Variants in ADRA1A observed in about 807,000 individuals in gnomAD.
ADRA1A encodes the protein alpha-1A adrenergic receptor.
ADRA1A carries 31 observed loss-of-function variants against 29.6 expected under a neutral mutation model. The observed-to-expected ratio is 1.05, with a 90% CI of 0.79 to 1.41. The LOEUF is 1.41. Ranked by LOEUF, ADRA1A falls within the 40% of genes most tolerant of loss-of-function variation. The pLI is 0.00. For synonymous variants in ADRA1A, 311 were observed against 254.3 expected (o/e 1.22, Z -2.12); for missense variants, 619 against 601.1 (o/e 1.03, Z -0.31).
chr8:26,867,206 C>T lies in ADRA1A; in HGVS notation c.-957G>A. 1.0e-6 allele frequency: 1 copy of T among 985,408 alleles called. No individual in the cohort carries two copies. Among genetic ancestry groups the T allele is most frequent in the South Asian group, 4.7e-5 (1 of 21,278 alleles). The allele number at this position is 985,408 out of a possible 1,614,324, so 61.0% of individuals were successfully genotyped here. On this transcript the variant is annotated 5_prime_UTR_variant, in exon 1 of 3. The change creates a new upstream start codon in the 5' untranslated region. Transcript: ENST00000380573. ...CAGATAACCGGTAACTCCACAATCA[C>T]CCTTTTAATATTCAGCTCCCCGACA...
At chr8:26,766,820 G>A (rs953212703), downstream of ADRA1A, among the ~76,000 whole-genome samples, 8 of 152,006 alleles carry the variant, frequency 5.3e-5, no homozygotes, top group Non-Finnish European at 8.8e-5. Context: ...GGCAATGGGT[G>A]CAAAATTCCC....
rs1811788903 is a variant in ADRA1A at position 26,841,146 on chromosome 8, C to A, written c.883+22941G>T. Among the ~76,000 whole-genome samples the A allele has an allele frequency of 6.6e-6, 1 of 152,186 alleles. No homozygotes were observed. The highest frequency in any genetic ancestry group is 6.5e-5 in the Admixed American group (1 of 15,276). ...GAGAATCAAAATGCCCAACTGCCCC[C>A]AAATGTTCACATGGATTCAATGAAA... is the stretch of plus-strand genomic sequence containing the variant. On this transcript the variant is annotated intron_variant, in intron 2 of 2. Coordinates refer to ENST00000380573, the MANE Select transcript of ADRA1A (RefSeq NM_000680.4). The surrounding 1 kb of genome is among the most constrained non-coding windows in gnomAD (Gnocchi z 4.4).
At position 26,775,907 on chromosome 8, in the gene ADRA1A, C is replaced by T. The variant is rs148986277; in HGVS notation, c.884-5241G>A. ...TCTAGATGCCAAGAAGAAATTGAAA[C>T]GAATAATTTAAAATGTTGCCTCTAT... On this transcript the variant is annotated intron_variant, in intron 2 of 2. Transcript: ENST00000380573. The surrounding 1 kb of genome is among the most constrained non-coding windows in gnomAD (Gnocchi z 4.1). Among the ~76,000 whole-genome samples, 178 of 152,256 alleles carry T rather than the reference C, an allele frequency of 1.2e-3. 2 individuals are homozygous for T. The South Asian group carries it at 0.017, about 14-fold the overall frequency.
chr8:26,782,294 C>T (rs1807051600), intron 2 of ADRA1A, among the ~76,000 whole-genome samples: 1 of 152,164 alleles, frequency 6.6e-6, no homozygotes, highest in East Asian at 1.9e-4. Context: ...GTCATGGGTC[C>T]TGTATTCAAA....
intron 2 of ADRA1A, chr8:26,779,468 C>A (rs533277684): frequency 2.9e-6 from 2 of 690,896 alleles, no homozygotes; most frequent in Non-Finnish European, 2.6e-6. Flanking sequence ...ATTGATGCTA[C>A]CCCTTCCTAT....
chr8:26,765,272 C>T (rs544708991), downstream of ADRA1A, among the ~76,000 whole-genome samples: 33 of 152,360 alleles, frequency 2.2e-4, no homozygotes, highest in South Asian at 8.3e-4. Flanking sequence ...CTCAACCCCT[C>T]CTCCACATTT....
chr8:26,784,312 C>T (rs138229767), intron 2 of ADRA1A, among the ~76,000 whole-genome samples: 1 of 152,346 alleles, frequency 6.6e-6, no homozygotes, highest in Non-Finnish European at 1.5e-5. Context: ...AAAGTCGTTT[C>T]CCGCTGTCGG....
Position 26,780,282 on chromosome 8 carries a change from C to T in ADRA1A, c.884-9616G>A, listed in dbSNP as rs114312631. On this transcript the variant is annotated intron_variant, in intron 2 of 2. Coordinates refer to ENST00000380573, the MANE Select transcript of ADRA1A (RefSeq NM_000680.4). ...GGTGTTTACCTTCTATGAGTGTCTC[C>T]AACAAATGCCTATGTTGGAGGCATT... Among the ~76,000 whole-genome samples the T allele has an allele frequency of 3.5e-3, 537 of 152,160 alleles. 3 individuals are homozygous for T. The highest frequency in any genetic ancestry group is 0.012 in the African/African-American group (508 of 41,520).
chr8:26,753,512 T>G (rs747094219), downstream of ADRA1A, among the ~76,000 whole-genome samples: 6 of 152,196 alleles, frequency 3.9e-5, no homozygotes, highest in Admixed American at 6.5e-5. Context: ...AGTGTTGTCT[T>G]TGGAAGGTAA....
chr8:26,812,297 C>T (rs1478532916), intron 2 of ADRA1A, among the ~76,000 whole-genome samples: 41 of 152,188 alleles, frequency 2.7e-4, no homozygotes, highest in Non-Finnish European at 2.2e-4. Context: ...AGGCTTTTCT[C>T]ATACTATCTC....
chr8:26,846,667 G>C (rs75863291), intron 2 of ADRA1A, among the ~76,000 whole-genome samples: 18,583 of 152,248 alleles, frequency 0.12, 1,312 homozygotes, highest in Non-Finnish European at 0.14. Context: ...ACCCACTTAA[G>C]AGGCTGAGGC....
chr8:26,801,124 A>G (rs1160178816), intron 2 of ADRA1A, among the ~76,000 whole-genome samples: 1 of 152,182 alleles, frequency 6.6e-6, no homozygotes, highest in Non-Finnish European at 1.5e-5. Context: ...GAAAGAACAT[A>G]TTCCAACACA....
Position 26,864,229 on chromosome 8 carries a change from C to T in ADRA1A, c.741G>A (p.Gly247=), listed in dbSNP as rs1813695951. ...HRKNAPAGGS[G]MASAKTKTHF... ...GCGTCTTGGTCTTGGCGCTGGCCAT[C>T]CCGCTGCCTCCTGCCGGGGCGTTTT... The change falls in exon 2 of 3, where the codon GGG becomes GGA. Residue 247 remains glycine, a synonymous_variant. Coordinates refer to ENST00000380573, the MANE Select transcript of ADRA1A (RefSeq NM_000680.4). This position sits in a 1 kb window ranked among gnomAD's most constrained non-coding sequence, Gnocchi z 8.1. 1.9e-6 allele frequency: 3 copies of T among 1,614,206 alleles called. No homozygotes were observed. In the East Asian group the frequency reaches 6.7e-5, roughly 36 times the overall value.
intron 2 of ADRA1A, among the ~76,000 whole-genome samples, chr8:26,840,905 G>A (rs1811769502): frequency 6.6e-6 from 1 of 152,166 alleles, no homozygotes; most frequent in Non-Finnish European, 1.5e-5. Context: ...GCTATAGAGA[G>A]CAAACACAGC....
At chr8:26,859,073 A>G (rs186050260) in intron 2 of ADRA1A, 2 of 1,281,214 alleles carry the variant, frequency 1.6e-6, no homozygotes, top group African/African-American at 1.5e-5. Flanking sequence ...TGGGTGTTTC[A>G]CTTCTCAGCT....
intron 2 of ADRA1A, among the ~76,000 whole-genome samples, chr8:26,847,999 A>C (rs1412351594): frequency 6.6e-6 from 1 of 152,212 alleles, no homozygotes; most frequent in Admixed American, 6.5e-5. Flanking sequence ...AGAAGTTTGA[A>C]AGCCACTGGC....
At chr8:26,822,292 T>C (rs1264290271) in intron 2 of ADRA1A, among the ~76,000 whole-genome samples, 1 of 152,222 alleles carries the variant, frequency 6.6e-6, no homozygotes, top group Non-Finnish European at 1.5e-5. Flanking sequence ...ACTCAGCTTC[T>C]TTGTCTATAA....
chr8:26,764,734 T>G (rs530712154), downstream of ADRA1A, among the ~76,000 whole-genome samples: 1 of 152,226 alleles, frequency 6.6e-6, no homozygotes, highest in South Asian at 2.1e-4. Flanking sequence ...TAAAGTGCTA[T>G]ATAAACGGAC....
intron 2 of ADRA1A, chr8:26,859,125 T>C (rs61757000): frequency 0.053 from 68,321 of 1,289,828 alleles, 2,006 homozygotes; most frequent in Non-Finnish European, 0.059. Context: ...CAGTTTTTAA[T>C]CTCTTTCCTC....
Sources: gnomAD v4.1 joint callset for allele counts (sites outside exome capture counted in the v4.1 genomes callset) on GRCh38, gnomAD v4.1.1 for gene constraint, Gnocchi (gnomAD v3.1) non-coding constraint, MANE v1.5 for transcripts, NCBI Gene and HGNC (gene_info 2026-07-23, HGNC 2026-07-21) for gene names.